Variants in CACNB4 observed in about 807,000 individuals in gnomAD.
CACNB4 encodes voltage-dependent L-type calcium channel subunit beta-4.
In CACNB4, 32 loss-of-function variants were observed where a neutral mutation model predicts 71.2. That is an observed-to-expected ratio of 0.45 (90% CI 0.34 to 0.60). The LOEUF (loss-of-function observed/expected upper bound fraction) is 0.60, where lower values mean the gene tolerates loss of function less well. Ranked by LOEUF, CACNB4 falls within the 20% of genes least tolerant of loss-of-function variation. CACNB4 has a pLI of 0.01. For synonymous variants in CACNB4, 231 were observed against 236.9 expected, an observed-to-expected ratio of 0.97 and a Z score of 0.23; for missense variants, 464 against 647.9, an observed-to-expected ratio of 0.72 and a Z score of 3.08.
At chr2:152,014,996 T>A (rs1683264359) in intron 2 of CACNB4, among the ~76,000 whole-genome samples, 1 of 152,232 alleles carries the variant, frequency 6.6e-6, no homozygotes, top group African/African-American at 2.4e-5. Flanking sequence ...TACAAAGTGC[T>A]CGTTTGTCAA....
At chr2:151,883,106 G>A in intron 3 of CACNB4, 145 bp downstream of exon 3, 1 of 756,072 alleles carries the variant, frequency 1.3e-6, no homozygotes, top group South Asian at 1.7e-5. Flanking sequence ...ACTTAGAGGT[G>A]AAAGGATCAG....
chr2:152,040,868 G>T (rs1386051329), intron 2 of CACNB4, among the ~76,000 whole-genome samples: 1 of 152,164 alleles, frequency 6.6e-6, no homozygotes, highest in Non-Finnish European at 1.5e-5. Flanking sequence ...TTAACCCCTG[G>T]CTGATATTTT....
intron 2 of CACNB4, among the ~76,000 whole-genome samples, chr2:151,996,082 T>C (rs1451190068): frequency 6.6e-6 from 1 of 152,236 alleles, no homozygotes; most frequent in Non-Finnish European, 1.5e-5. Context: ...GCACCAGACA[T>C]GGTAATCCTT....
At chr2:152,027,420 A>G (rs1261673937) in intron 2 of CACNB4, among the ~76,000 whole-genome samples, 1 of 152,238 alleles carries the variant, frequency 6.6e-6, no homozygotes, top group Non-Finnish European at 1.5e-5. Context: ...GATTTTAAAT[A>G]TAAAATCAGG....
intron 2 of CACNB4, among the ~76,000 whole-genome samples, chr2:152,096,027 T>C (rs1304657634): frequency 6.6e-6 from 1 of 152,244 alleles, no homozygotes; most frequent in African/African-American, 2.4e-5. Context: ...ATTTCAATTT[T>C]ATCCGAAAGT....
intron 3 of CACNB4, among the ~76,000 whole-genome samples, chr2:151,882,413 G>A (rs965777433): frequency 4.0e-5 from 6 of 151,882 alleles, no homozygotes; most frequent in African/African-American, 9.7e-5. Flanking sequence ...CTTTATTTGG[G>A]CTTCTGTTTT....
At chr2:151,957,416 C>A (rs1444732504) in intron 2 of CACNB4, among the ~76,000 whole-genome samples, 2 of 151,884 alleles carry the variant, frequency 1.3e-5, no homozygotes, top group Non-Finnish European at 2.9e-5. Flanking sequence ...TTCCAACAAC[C>A]ATTTATTGAG....
chr2:151,873,593 T>C (rs892619257), intron 5 of CACNB4: 17 of 152,070 alleles, frequency 1.1e-4, no homozygotes, highest in African/African-American at 3.4e-4. Context: ...GGGGAGTGGG[T>C]ACAATTTTAA....
At position 152,098,579 on chromosome 2, in the gene CACNB4, C is replaced by A. The variant is rs1688413246; in HGVS notation, c.64-166G>T. ...CCCAAATACAGCCCCCACCCCCACCCACCCACTGCAAGCCTCGACTGCTGA... is the reference window on the plus strand; with the variant it reads ...CCCAAATACAGCCCCCACCCCCACCAACCCACTGCAAGCCTCGACTGCTGA... On this transcript the variant is annotated intron_variant, in intron 1 of 13. Transcript: ENST00000539935. The surrounding 1 kb of genome is among the most constrained non-coding windows in gnomAD (Gnocchi z 5.3). 4.2e-6 allele frequency: 4 copies of A among 943,708 alleles called. No homozygotes were observed. The highest frequency in any genetic ancestry group is 2.8e-5 in the South Asian group (2 of 72,160). 58.5% of individuals were successfully genotyped at this position (943,708 alleles called of 1,614,324 possible).
intron 2 of CACNB4, among the ~76,000 whole-genome samples, chr2:151,888,892 C>CT (rs1334479913): frequency 6.6e-6 from 1 of 152,166 alleles, no homozygotes; most frequent in Non-Finnish European, 1.5e-5. Flanking sequence ...TCCAATGGAA[C>CT]TTTTACTGTA....
chr2:152,087,821 G>C (rs12622786), intron 2 of CACNB4, among the ~76,000 whole-genome samples: 23,391 of 151,904 alleles, frequency 0.15, 2,488 homozygotes, highest in East Asian at 0.56. Context: ...GGAGTTCGAG[G>C]CTGCAGTGAG....
chr2:152,007,802 C>T (rs905083914), intron 2 of CACNB4, among the ~76,000 whole-genome samples: 1 of 150,596 alleles, frequency 6.6e-6, no homozygotes, highest in East Asian at 1.9e-4. Flanking sequence ...GACGGAGTCT[C>T]GCTCTGTCAC....
At chr2:151,930,491 A>G (rs974049044) in intron 2 of CACNB4, among the ~76,000 whole-genome samples, 7 of 152,204 alleles carry the variant, frequency 4.6e-5, no homozygotes, top group Admixed American at 4.6e-4. Context: ...ATAAAATTTA[A>G]TACACATGAC....
rs796052291 is a variant in CACNB4 at position 151,839,351 on chromosome 2, G to C, written c.1331C>G (p.Ser444Cys). The change falls in exon 14 of 14, where the codon TCC becomes TGC. Residue 444 changes from serine to cysteine, a missense_variant. Ser to Cys is a moderately radical substitution (Grantham distance 112). This residue lies in a region of CACNB4 where 115 missense variants were observed against 128.8 expected (regional missense o/e 0.89). Transcript: ENST00000539935. ...QSQRMRHSNH[S>C]TENSPIERRS... ...TCTTTCAATTGGAGAGTTCTCTGTG[G>C]AGTGGTTGCTGTGCCTCATTCGCTG... The C allele has an allele frequency of 6.2e-7, 1 of 1,611,432 alleles. No homozygotes were observed. Among genetic ancestry groups the C allele is most frequent in the Non-Finnish European group, 8.5e-7 (1 of 1,177,804 alleles).
chr2:151,927,100 CAA>C (rs1439693661), intron 2 of CACNB4, among the ~76,000 whole-genome samples: 2 of 151,804 alleles, frequency 1.3e-5, no homozygotes, highest in Non-Finnish European at 2.9e-5. Context: ...CTTTATGGCA[CAA>C]AAAAGTTAGG....
At chr2:152,008,141 A>T (rs1036091187) in intron 2 of CACNB4, among the ~76,000 whole-genome samples, 6 of 151,844 alleles carry the variant, frequency 4.0e-5, no homozygotes, top group Non-Finnish European at 8.8e-5. Flanking sequence ...CATTTCCACA[A>T]GCAATGCATA....
chr2:151,906,096 A>G (rs1283634549), intron 2 of CACNB4, among the ~76,000 whole-genome samples: 1 of 152,198 alleles, frequency 6.6e-6, no homozygotes. Context: ...CAGGAACTGC[A>G]ATGAAACCAG....
chr2:151,945,273 A>AG (rs2099865274), intron 2 of CACNB4, among the ~76,000 whole-genome samples: 1 of 152,240 alleles, frequency 6.6e-6, no homozygotes, highest in African/African-American at 2.4e-5. Flanking sequence ...CCTTACACAC[A>AG]GGTAGAACAG....
intron 2 of CACNB4, among the ~76,000 whole-genome samples, chr2:152,094,773 A>G (rs991776422): frequency 1.3e-5 from 2 of 152,204 alleles, no homozygotes; most frequent in Non-Finnish European, 2.9e-5. Context: ...GCACATAGCA[A>G]ATACTTAAGT....
Sources: gnomAD v4.1 joint callset for allele counts (sites outside exome capture counted in the v4.1 genomes callset) on GRCh38, gnomAD v4.1.1 for gene constraint, gnomAD v4.1.1 regional missense constraint, Gnocchi (gnomAD v3.1) non-coding constraint, MANE v1.5 for transcripts, NCBI Gene and HGNC (gene_info 2026-07-23, HGNC 2026-07-21) for gene names.